The following ZDHHC14 variants were observed in gnomAD, a reference collection of about 807,000 sequenced individuals.
ZDHHC14 encodes palmitoyltransferase ZDHHC14.
In ZDHHC14, 16 loss-of-function variants were observed where a neutral mutation model predicts 47.7. That is an observed-to-expected ratio of 0.34 (90% confidence interval 0.23 to 0.51). ZDHHC14 has a LOEUF of 0.51. ZDHHC14 is among the 20% of genes least tolerant of loss of function. The pLI, the probability that ZDHHC14 is intolerant of heterozygous loss-of-function variation, is 0.97. For synonymous variants in ZDHHC14, 293 were observed against 278.9 expected (o/e 1.05, Z -0.50); for missense variants, 515 against 662.5 (o/e 0.78, Z 2.44).
intron 1 of ZDHHC14, among the ~76,000 whole-genome samples, chr6:157,530,416 G>A (rs1781321065): frequency 6.6e-6 from 1 of 152,220 alleles, no homozygotes; most frequent in Admixed American, 6.5e-5. Context: ...AATCATCTGT[G>A]AATGAATGCT....
intron 1 of ZDHHC14, among the ~76,000 whole-genome samples, chr6:157,535,735 C>T (rs1030993780): frequency 6.6e-6 from 1 of 152,136 alleles, no homozygotes. Flanking sequence ...GGGAATGTCA[C>T]TCTTGGGAGT....
rs540090147 is a variant in ZDHHC14, at chr6:157,525,228, A to G, written c.246-17357A>G. ...CAGACTAGAGTGCAGTGGCATGATC[A>G]TAACTCACTGCAACCTTGAACTCCC... On this transcript the variant is annotated intron_variant, in intron 1 of 8. Coordinates refer to ENST00000359775, the MANE Select transcript of ZDHHC14 (RefSeq NM_024630.3). Among the ~76,000 whole-genome samples the G allele has an allele frequency of 5.9e-5, 9 of 152,242 alleles. No homozygotes were observed. In the South Asian group the frequency reaches 1.9e-3, roughly 32 times the overall value.
chr6:157,416,400 C>T (rs1562416472), intron 1 of ZDHHC14, among the ~76,000 whole-genome samples: 1 of 151,872 alleles, frequency 6.6e-6, no homozygotes, highest in Non-Finnish European at 1.5e-5. Flanking sequence ...CAGTGTCTCA[C>T]GCCTGTAATC....
At chr6:157,665,249 C>CTT (rs1203673603) in intron 8 of ZDHHC14, among the ~76,000 whole-genome samples, 1 of 152,158 alleles carries the variant, frequency 6.6e-6, no homozygotes, top group Non-Finnish European at 1.5e-5. Flanking sequence ...AGAAGAGAAG[C>CTT]TTTGTCTCTA....
chr6:157,560,202 A>G (rs1782651063), intron 2 of ZDHHC14, among the ~76,000 whole-genome samples: 1 of 152,222 alleles, frequency 6.6e-6, no homozygotes, highest in African/African-American at 2.4e-5. Flanking sequence ...GCTGGGGAGC[A>G]AAGCTGTCCT....
chr6:157,399,556 A>G (rs1430083945), intron 1 of ZDHHC14, among the ~76,000 whole-genome samples: 2 of 152,224 alleles, frequency 1.3e-5, no homozygotes, highest in Non-Finnish European at 2.9e-5. Context: ...TACTTAGATG[A>G]AGAATACAGA....
chr6:157,405,962 C>T (rs1005352558), intron 1 of ZDHHC14, among the ~76,000 whole-genome samples: 2 of 152,170 alleles, frequency 1.3e-5, no homozygotes, highest in Non-Finnish European at 2.9e-5. Context: ...CACCCCTGCT[C>T]GGACCTCCCC....
chr6:157,665,346 G>A (rs593090), intron 8 of ZDHHC14, among the ~76,000 whole-genome samples: 115,190 of 152,034 alleles, frequency 0.76, 44,300 homozygotes, highest in African/African-American at 0.9. Flanking sequence ...TAAACACTGA[G>A]TTAGCCGTGG....
At chr6:157,617,682 C>A (rs1785023935) in intron 3 of ZDHHC14, among the ~76,000 whole-genome samples, 2 of 151,984 alleles carry the variant, frequency 1.3e-5, no homozygotes, top group South Asian at 4.1e-4. Context: ...ATTCTGAAAT[C>A]TTTTATTTTG....
chr6:157,564,231 G>A (rs1782818593), intron 2 of ZDHHC14, among the ~76,000 whole-genome samples: 1 of 152,174 alleles, frequency 6.6e-6, no homozygotes, highest in Non-Finnish European at 1.5e-5. Flanking sequence ...GTTGGGGCAG[G>A]GCGGGGGCTT....
At chr6:157,537,619 G>T (rs992533560) in intron 1 of ZDHHC14, among the ~76,000 whole-genome samples, 1 of 152,204 alleles carries the variant, frequency 6.6e-6, no homozygotes, top group African/African-American at 2.4e-5. Flanking sequence ...GCCCTGAGTT[G>T]TATGTAGGTC....
intron 1 of ZDHHC14, among the ~76,000 whole-genome samples, chr6:157,486,824 T>A (rs984031860): frequency 1.3e-5 from 2 of 151,938 alleles, no homozygotes; most frequent in African/African-American, 4.8e-5. Context: ...ACAGGATGTG[T>A]AAAGGGAAGA....
chr6:157,540,552 C>T lies in ZDHHC14; in HGVS notation c.246-2033C>T, dbSNP rs999135330. ...CTCCATAGAGTTAAATCACAGCTGT[C>T]AACACCTGAGGTGGAACACTCTCTC... On this transcript the variant is annotated intron_variant, in intron 1 of 8. Transcript: ENST00000359775. Among the ~76,000 whole-genome samples, 22 of 152,292 alleles carry T rather than the reference C, an allele frequency of 1.4e-4. No individual in the cohort carries two copies. The East Asian group carries it at 3.9e-3, about 27-fold the overall frequency.
intron 2 of ZDHHC14, among the ~76,000 whole-genome samples, chr6:157,564,498 T>C (rs979241627): frequency 7.9e-5 from 12 of 152,238 alleles, no homozygotes; most frequent in Non-Finnish European, 1.3e-4. Flanking sequence ...TCTCTAGAAC[T>C]AGAAACTCAG....
rs142563034 is a variant in ZDHHC14 at position 157,622,480 on chromosome 6, A to G, written c.566-5869A>G. 3.9e-3 allele frequency among the ~76,000 whole-genome samples: 595 copies of G among 152,286 alleles called. 9 individuals are homozygous for G. Among genetic ancestry groups the G allele is most frequent in the African/African-American group, 0.014 (564 of 41,572 alleles). On this transcript the variant is annotated intron_variant, in intron 3 of 8. Coordinates refer to ENST00000359775, the MANE Select transcript of ZDHHC14 (RefSeq NM_024630.3). The stretch of plus-strand genomic sequence containing the variant: ...GGACCATAGCTCTTTTTCCTGAACT[A>G]TGTTCCCACTGACCACTTTAATGGA...
At chr6:157,454,083 C>T (rs904094255) in intron 1 of ZDHHC14, among the ~76,000 whole-genome samples, 12 of 152,176 alleles carry the variant, frequency 7.9e-5, no homozygotes, top group African/African-American at 2.7e-4. Flanking sequence ...GGCAGTGCTG[C>T]CCCACAAAGT....
chr6:157,399,577 G>A (rs1777589699), intron 1 of ZDHHC14, among the ~76,000 whole-genome samples: 1 of 152,220 alleles, frequency 6.6e-6, no homozygotes, highest in Non-Finnish European at 1.5e-5. Context: ...GCTCCTAGAA[G>A]GTTGATGAGT....
rs551662225 is a variant in ZDHHC14, at chr6:157,430,176, C to T, written c.245+47910C>T. Among the ~76,000 whole-genome samples the T allele has an allele frequency of 3.9e-5, 6 of 151,904 alleles. No individual in the cohort carries two copies. In the South Asian group the frequency reaches 8.3e-4, roughly 21 times the overall value. ...CTAAAAAATACACAAATTAGCTGGG[C>T]GTGGTGGTGTGCACCTGTAGTTCCA... On this transcript the variant is annotated intron_variant, in intron 1 of 8. Transcript: ENST00000359775.
intron 1 of ZDHHC14, among the ~76,000 whole-genome samples, chr6:157,474,955 A>G (rs946471823): frequency 7.2e-5 from 11 of 152,134 alleles, no homozygotes; most frequent in Admixed American, 4.6e-4. Context: ...TTTTGGGGTC[A>G]CATCCAAAAA....
Sources: allele counts gnomAD v4.1 joint callset (sites outside exome capture counted in the v4.1 genomes callset), GRCh38; gene constraint gnomAD v4.1.1; transcripts MANE v1.5; gene names NCBI Gene and HGNC (gene_info 2026-07-23, HGNC 2026-07-21).